The following FAM114A1 variants were observed in gnomAD, a reference collection of about 807,000 sequenced individuals.
FAM114A1 encodes protein NOXP20.
Under a neutral mutation model 64.3 loss-of-function variants are expected in FAM114A1, and 62 were observed. That is an observed-to-expected ratio of 0.96 (90% CI 0.79 to 1.19). The LOEUF is 1.19. Among genes scored for constraint, FAM114A1 ranks in the 50% most tolerant of loss-of-function variants. The probability of loss-of-function intolerance (pLI) is 0.00; values close to 1 mark genes in which losing one functional copy is unlikely to be tolerated. For missense variants in FAM114A1, 645 were observed against 676.3 expected (o/e 0.95, Z 0.51); for synonymous variants, 254 against 251.1 (o/e 1.01, Z -0.11).
chr4:38,931,469 G>T lies in FAM114A1; in HGVS notation c.1180G>T (p.Asp394Tyr). Residue 394 changes from aspartate (D) to tyrosine (Y), a missense_variant, in exon 11 of 15, where the codon GAC becomes TAC. Physicochemically the swap from Asp to Tyr is radical, Grantham distance 160 (BLOSUM62 -3). Coordinates refer to ENST00000358869, the MANE Select transcript of FAM114A1 (RefSeq NM_138389.4). ...TCTGCAGGCCATGAAGAGGGCTCAT[G>T]ACTGGGTGGAAGAGGATCAAACCGT... ...KLNKAMKRAH[D>Y]WVEEDQTVVS... 2 of 1,613,546 alleles carry T rather than the reference G, an allele frequency of 1.2e-6. No homozygotes were observed. Among genetic ancestry groups the T allele is most frequent in the Non-Finnish European group, 1.7e-6 (2 of 1,179,884 alleles).
intron 4 of FAM114A1, among the ~76,000 whole-genome samples, chr4:38,894,400 G>A (rs1716712238): frequency 6.6e-6 from 1 of 152,156 alleles, no homozygotes; most frequent in African/African-American, 2.4e-5. Flanking sequence ...TGATCCAGAA[G>A]AGCCTAGAGA....
At chr4:38,914,759 C>T in intron 7 of FAM114A1, 162 bp from the exon 8 acceptor site, 1 of 733,010 alleles carries the variant, frequency 1.4e-6, no homozygotes, top group Non-Finnish European at 2.1e-6. Context: ...TAAAAGTTAT[C>T]AATAGGATCA....
intron 10 of FAM114A1, 51 bp downstream of exon 10, chr4:38,929,384 G>A: frequency 7.4e-7 from 1 of 1,348,122 alleles, no homozygotes; most frequent in Non-Finnish European, 1.1e-6. Context: ...CAGTGCAGGG[G>A]AGAGTCTCTG....
intron 6 of FAM114A1, among the ~76,000 whole-genome samples, chr4:38,907,009 A>G (rs1229026202): frequency 6.6e-6 from 1 of 152,192 alleles, no homozygotes; most frequent in Non-Finnish European, 1.5e-5. Flanking sequence ...ACAATATCCC[A>G]GAGGACTGAG....
intron 4 of FAM114A1, among the ~76,000 whole-genome samples, chr4:38,892,221 C>A (rs16994888): frequency 0.052 from 7,899 of 152,152 alleles, 503 homozygotes; most frequent in African/African-American, 0.13. Flanking sequence ...TAGTGCACAA[C>A]GCATCTACTC....
intron 13 of FAM114A1, 59 bp from the exon 14 acceptor site, chr4:38,940,909 G>C: frequency 6.4e-7 from 1 of 1,551,558 alleles, no homozygotes; most frequent in African/African-American, 1.4e-5. Context: ...TACATTTTAC[G>C]TGGCAAGCCT....
At chr4:38,884,340 A>G (rs1715588172) in intron 3 of FAM114A1, among the ~76,000 whole-genome samples, 1 of 152,220 alleles carries the variant, frequency 6.6e-6, no homozygotes, top group Admixed American at 6.5e-5. Flanking sequence ...TACTTTGTGG[A>G]CAGTTGGTTA....
chr4:38,887,872 T>C (rs972094743), intron 3 of FAM114A1, among the ~76,000 whole-genome samples: 5 of 152,158 alleles, frequency 3.3e-5, no homozygotes, highest in African/African-American at 1.2e-4. Context: ...ACTGACCCCC[T>C]TTTTAGCGTA....
rs181212890 is a variant in FAM114A1 at position 38,905,113 on chromosome 4, C to A, written c.437-409C>A. ...TTCTTTCAATCAGGATGTACTTCTACAGGCCAGGTGCGATGGCTCACACCT... is the reference window on the plus strand; with the variant it reads ...TTCTTTCAATCAGGATGTACTTCTAAAGGCCAGGTGCGATGGCTCACACCT... On this transcript the variant is annotated intron_variant, in intron 4 of 14. Transcript: ENST00000358869. Among the ~76,000 whole-genome samples, 225 of 152,146 alleles carry A rather than the reference C, an allele frequency of 1.5e-3. 1 individual carries two copies. The highest frequency in any genetic ancestry group is 5.1e-3 in the African/African-American group (211 of 41,518).
intron 9 of FAM114A1, 75 bp downstream of exon 9, chr4:38,922,968 C>A: frequency 6.8e-7 from 1 of 1,475,664 alleles, no homozygotes; most frequent in Non-Finnish European, 9.1e-7. Flanking sequence ...ATGAACACAG[C>A]CCTTTGAATT....
At chr4:38,901,223 G>GAGAAC (rs1717486928) in intron 4 of FAM114A1, among the ~76,000 whole-genome samples, 1 of 152,168 alleles carries the variant, frequency 6.6e-6, no homozygotes, top group Non-Finnish European at 1.5e-5. Flanking sequence ...GGGTGCTGCA[G>GAGAAC]AGAACTGCTG....
chr4:38,926,048 C>T (rs1175079942), intron 9 of FAM114A1, among the ~76,000 whole-genome samples: 2 of 152,202 alleles, frequency 1.3e-5, no homozygotes, highest in Admixed American at 1.3e-4. Context: ...TTACATAAAA[C>T]TTTGTGTTTA....
chr4:38,938,600 A>G (rs1186862935), intron 13 of FAM114A1: 2 of 152,202 alleles, frequency 1.3e-5, no homozygotes, highest in Non-Finnish European at 2.9e-5. Context: ...ATGGACTTTG[A>G]TATAAACACT....
intron 3 of FAM114A1, 98 bp downstream of exon 3, chr4:38,878,524 T>C (rs921534833): frequency 2.0e-6 from 2 of 1,000,106 alleles, no homozygotes; most frequent in African/African-American, 3.3e-5. Flanking sequence ...AATTGGGAGT[T>C]CAAAATGTAC....
chr4:38,874,563 T>C (rs1383203395), intron 2 of FAM114A1, among the ~76,000 whole-genome samples: 3 of 152,232 alleles, frequency 2.0e-5, no homozygotes, highest in South Asian at 2.1e-4. Flanking sequence ...ATTCTGGATA[T>C]TAGACCTTTG....
At chr4:38,870,789 G>A (rs1713977537) in intron 2 of FAM114A1, among the ~76,000 whole-genome samples, 1 of 152,298 alleles carries the variant, frequency 6.6e-6, no homozygotes, top group Non-Finnish European at 1.5e-5. Context: ...TGTCATGACT[G>A]TAATCCTGGT....
At position 38,913,943 on chromosome 4, in the gene FAM114A1, C is replaced by CA. The variant is rs1181201956; in HGVS notation, c.793-971dup. On this transcript the variant is annotated intron_variant, in intron 7 of 14. Transcript: ENST00000358869. ...TGAAACCCCATCTCTACTAAAAATA[C>CA]AAAAAAATTAGCTGGCTGTGGTGGC... Among the ~76,000 whole-genome samples the CA allele has an allele frequency of 1.1e-4, 16 of 151,060 alleles. No homozygotes were observed. In the East Asian group the frequency reaches 1.6e-3, roughly 15 times the overall value.
intron 8 of FAM114A1, among the ~76,000 whole-genome samples, chr4:38,915,387 G>C (rs892098491): frequency 1.3e-5 from 2 of 152,064 alleles, no homozygotes; most frequent in African/African-American, 4.8e-5. Flanking sequence ...GCCTCCCTTT[G>C]GTAACGAAGT....
chr4:38,870,425 G>A (rs1381405926), intron 2 of FAM114A1, among the ~76,000 whole-genome samples: 2 of 152,230 alleles, frequency 1.3e-5, no homozygotes, highest in Non-Finnish European at 2.9e-5. Context: ...ACAGATGATT[G>A]ATTTCTGAAG....
Sources: gnomAD v4.1 joint callset for allele counts (sites outside exome capture counted in the v4.1 genomes callset) on GRCh38, gnomAD v4.1.1 for gene constraint, MANE v1.5 for transcripts, NCBI Gene and HGNC (gene_info 2026-07-23, HGNC 2026-07-21) for gene names.